The following AKAP9 variants were observed in gnomAD, a reference collection of about 807,000 sequenced individuals.
AKAP9 encodes the protein A-kinase anchor protein 9.
A neutral mutation model predicts 488.5 loss-of-function variants in AKAP9; 311 were observed. The observed-to-expected ratio is 0.64, with a 90% CI of 0.58 to 0.70. AKAP9 has a LOEUF of 0.70. Ranked by LOEUF, AKAP9 falls within the 30% of genes least tolerant of loss-of-function variation. The pLI is 0.00. For missense variants in AKAP9, 4,215 were observed against 4,374.5 expected (o/e 0.96, Z 1.03); for synonymous variants, 1,462 against 1,483.5 (o/e 0.99, Z 0.33).
chr7:92,083,641 C>G lies in AKAP9; in HGVS notation c.8632C>G (p.Leu2878Val). The change falls in exon 33 of 50, where the codon CTG becomes GTG. Residue 2878 changes from leucine (L) to valine (V), a missense_variant. This residue lies in a region of AKAP9 where 1,476 missense variants were observed against 1,477.4 expected (regional missense o/e 1.00). Coordinates refer to ENST00000356239, the MANE Select transcript of AKAP9 (RefSeq NM_005751.5). ...TACCTTGAAGGCAGTGATACAGTGT[C>G]TGAGAAGTAAAGAGGTATTTGGTTT... ...CGTLKAVIQC[L>V]RSKEGSSIPE... The G allele has an allele frequency of 6.2e-7, 1 of 1,611,086 alleles. No individual in the cohort carries two copies. The highest frequency in any genetic ancestry group is 1.1e-5 in the South Asian group (1 of 90,126).
At chr7:92,096,585 C>T in intron 40 of AKAP9, 104 bp from the exon 41 acceptor site, 1 of 1,316,672 alleles carries the variant, frequency 7.6e-7, no homozygotes, top group Non-Finnish European at 1.1e-6. Context: ...GATCTGCCCG[C>T]CTCGGCCTCC....
At chr7:92,053,074 T>G in intron 22 of AKAP9, 116 bp downstream of exon 22, 1 of 826,142 alleles carries the variant, frequency 1.2e-6, no homozygotes, top group South Asian at 1.4e-5. Flanking sequence ...TTTTCAAAGC[T>G]TGAATGCATA....
chr7:91,942,948 T>C (rs1441074356), intron 1 of AKAP9, among the ~76,000 whole-genome samples: 1 of 151,894 alleles, frequency 6.6e-6, no homozygotes, highest in Non-Finnish European at 1.5e-5. Context: ...AATGCTGACA[T>C]TGGGAGCCTG....
intron 22 of AKAP9, chr7:92,058,508 T>G (rs1809204342): frequency 2.7e-6 from 1 of 369,858 alleles, no homozygotes; most frequent in South Asian, 2.3e-5. Flanking sequence ...GAACCTTGTT[T>G]GATGCGTTAC....
chr7:92,075,700 C>T (rs1003332819), intron 28 of AKAP9, among the ~76,000 whole-genome samples: 3 of 152,156 alleles, frequency 2.0e-5, no homozygotes, highest in Admixed American at 6.5e-5. Flanking sequence ...AAAGTTGTAA[C>T]AGGGTTTTAA....
rs759745243 is a variant in AKAP9, at chr7:91,993,069, C to G, written c.576+14C>G. 6.2e-7 allele frequency: 1 copy of G among 1,613,826 alleles called. No homozygotes were observed. Among genetic ancestry groups the G allele is most frequent in the Non-Finnish European group, 8.5e-7 (1 of 1,179,838 alleles). On this transcript the variant is annotated intron_variant, in intron 5 of 49. Transcript: ENST00000356239. ...GGACTGCAGCAGGTATGTTTATTTT[C>G]TGTGGCTTTTGATTTGCTACTCACA...
rs2188155 is a variant in AKAP9, at chr7:91,970,511, A to C, written c.49-3200A>C. On this transcript the variant is annotated intron_variant, in intron 1 of 49. Coordinates refer to ENST00000356239, the MANE Select transcript of AKAP9 (RefSeq NM_005751.5). ...CTTTAGCTTTTCTTGTCAGACAGGT[A>C]TGTGTTAGTGAATTCTCTCAGCTTT... 0.39 allele frequency: 179,190 copies of C among 455,416 alleles called. 36,668 individuals are homozygous for C. Among genetic ancestry groups the C allele is most frequent in the African/African-American group, 0.51 (25,461 of 49,910 alleles). 28.2% of individuals were successfully genotyped at this position (455,416 alleles called of 1,614,324 possible).
At chr7:92,022,380 G>A in intron 13 of AKAP9, 28 bp downstream of exon 13, 1 of 1,469,070 alleles carries the variant, frequency 6.8e-7, no homozygotes, top group Non-Finnish European at 9.5e-7. Flanking sequence ...ACCACAATGT[G>A]GTGTTTTTAT....
At chr7:91,980,640 C>T (rs1796298227) in intron 3 of AKAP9, among the ~76,000 whole-genome samples, 1 of 150,676 alleles carries the variant, frequency 6.6e-6, no homozygotes, top group Non-Finnish European at 1.5e-5. Flanking sequence ...ATATTTAGCA[C>T]AGTAAAAATA....
chr7:92,078,054 T>A lies in AKAP9; in HGVS notation c.6945+179T>A, dbSNP rs147092600. ...CTCTGTCGCCCAGGCTGGAGTCCAA[T>A]GGTGCAACCTCGGCTCACTGCAACC... On this transcript the variant is annotated intron_variant, in intron 30 of 49. Transcript: ENST00000356239. 1.7e-3 allele frequency among the ~76,000 whole-genome samples: 257 copies of A among 152,238 alleles called. 1 individual carries two copies. Among genetic ancestry groups the A allele is most frequent in the African/African-American group, 6.0e-3 (249 of 41,550 alleles).
intron 1 of AKAP9, among the ~76,000 whole-genome samples, chr7:91,962,613 C>T (rs1033274301): frequency 1.3e-5 from 2 of 152,074 alleles, no homozygotes; most frequent in South Asian, 2.1e-4. Flanking sequence ...AAAGCCCTAA[C>T]CCTCAGTGAA....
In AKAP9 at chr7:92,001,956, C is replaced by T. The variant is rs1799231621; in HGVS notation, c.2039C>T (p.Thr680Ile). 6.2e-7 allele frequency: 1 copy of T among 1,612,722 alleles called. No homozygotes were observed. Among genetic ancestry groups the T allele is most frequent in the African/African-American group, 1.3e-5 (1 of 74,862 alleles). The change falls in exon 8 of 50, where the codon ACC becomes ATC. Residue 680 changes from threonine to isoleucine, a missense_variant. Physicochemically the swap from Thr to Ile is moderately conservative, Grantham distance 89. Around this residue, in one of 5 missense-constraint regions of AKAP9, gnomAD observed 2,361 missense variants for 2,430.0 expected, o/e 0.97. Transcript: ENST00000356239. Reference protein sequence around the residue: ...LQNEMSQKIETMQFEKDNLIT... With the variant: ...LQNEMSQKIEIMQFEKDNLIT... ...AATGAAATGAGTCAAAAGATAGAAACCATGCAGTTTGAAAAGGACAATTTG... is the reference window on the plus strand; with the variant it reads ...AATGAAATGAGTCAAAAGATAGAAATCATGCAGTTTGAAAAGGACAATTTG...
chr7:92,062,658 T>C (rs1259361913), intron 24 of AKAP9, among the ~76,000 whole-genome samples, 172 bp downstream of exon 24: 2 of 152,136 alleles, frequency 1.3e-5, no homozygotes, highest in Non-Finnish European at 2.9e-5. Context: ...TAGCCAATCA[T>C]GTGGAATCAG....
chr7:91,989,611 A>G (rs918466651), intron 3 of AKAP9, among the ~76,000 whole-genome samples: 33 of 152,002 alleles, frequency 2.2e-4, no homozygotes, highest in African/African-American at 6.8e-4. Flanking sequence ...CTTATTATAG[A>G]TTTCATCTGA....
At chr7:92,094,392 G>T (rs1816163901) in intron 39 of AKAP9, among the ~76,000 whole-genome samples, 1 of 151,762 alleles carries the variant, frequency 6.6e-6, no homozygotes, top group African/African-American at 2.4e-5. Context: ...AATTAGCCGG[G>T]CATGCTGGCA....
Position 92,012,411 on chromosome 7 carries a change from A to G in AKAP9, c.3319-18A>G. 1 of 1,588,118 alleles carries G rather than the reference A, an allele frequency of 6.3e-7. No individual in the cohort carries two copies. The highest frequency in any genetic ancestry group is 8.6e-7 in the Non-Finnish European group (1 of 1,156,892). Reference sequence around the variant, plus strand: ...GTCATTTAAGAATATTATAATGTTTACATATGTTTACTTTAAGAATGATTT... The same window carrying G: ...GTCATTTAAGAATATTATAATGTTTGCATATGTTTACTTTAAGAATGATTT... On this transcript the variant is annotated intron_variant, in intron 8 of 49. Transcript: ENST00000356239.
intron 22 of AKAP9, among the ~76,000 whole-genome samples, chr7:92,057,419 C>G (rs964324678): frequency 6.6e-6 from 1 of 151,940 alleles, no homozygotes; most frequent in Admixed American, 6.6e-5. Flanking sequence ...GTCTAAATGC[C>G]CTTTCAAAGC....
intron 39 of AKAP9, among the ~76,000 whole-genome samples, chr7:92,093,590 A>C (rs1211590886): frequency 6.6e-6 from 1 of 152,224 alleles, no homozygotes; most frequent in Non-Finnish European, 1.5e-5. Flanking sequence ...ACCATCAACC[A>C]ATTTGAAGTG....
At position 92,018,429 on chromosome 7, in the gene AKAP9, CACACACACACACAG is replaced by C. The variant is rs1275719518; in HGVS notation, c.3837+1329_3837+1342del. On this transcript the variant is annotated intron_variant, in intron 12 of 49. Transcript: ENST00000356239. ...ACACACACACACACACACACACACA[CACACACACACACAG>C]AGAAATATTCAAAACTAAATGTTCT... Among the ~76,000 whole-genome samples, 257 of 138,114 alleles carry C rather than the reference CACACACACACACAG, an allele frequency of 1.9e-3. 1 individual carries two copies. Among genetic ancestry groups the C allele is most frequent in the African/African-American group, 6.0e-3 (221 of 36,608 alleles). 90.6% of individuals were successfully genotyped at this position (138,114 alleles called of 152,430 possible).
Sources: allele counts gnomAD v4.1 joint callset (sites outside exome capture counted in the v4.1 genomes callset), GRCh38; gene constraint gnomAD v4.1.1; regional missense constraint gnomAD v4.1.1; transcripts MANE v1.5; gene names NCBI Gene and HGNC (gene_info 2026-07-23, HGNC 2026-07-21).